TMEM268: variants seen among roughly 807,000 people sequenced by gnomAD.
The protein encoded by TMEM268 is transmembrane protein C9orf91.
Under a neutral mutation model 39.1 loss-of-function variants are expected in TMEM268, and 24 were observed. That is an observed-to-expected ratio of 0.61 (90% CI 0.44 to 0.86). The LOEUF is 0.86. Ranked by LOEUF, TMEM268 falls within the 40% of genes least tolerant of loss-of-function variation. The pLI is 0.00. For synonymous variants in TMEM268, 176 were observed against 173.5 expected (o/e 1.01, Z -0.12); for missense variants, 409 against 428.6 (o/e 0.95, Z 0.40).
At chr9:114,638,794 G>C in intron 8 of TMEM268, 68 bp downstream of exon 8, 2 of 1,268,004 alleles carry the variant, frequency 1.6e-6, no homozygotes, top group African/African-American at 1.5e-5. Context: ...AAGCCTATGT[G>C]GGGGCTTCTT....
intron 2 of TMEM268, among the ~76,000 whole-genome samples, chr9:114,619,193 C>T (rs982086930): frequency 6.6e-6 from 1 of 152,186 alleles, no homozygotes; most frequent in Non-Finnish European, 1.5e-5. Flanking sequence ...AATAATTTTT[C>T]TATCAGAACT....
At chr9:114,624,754 C>T (rs532559052) in intron 3 of TMEM268, among the ~76,000 whole-genome samples, 37 of 152,224 alleles carry the variant, frequency 2.4e-4, no homozygotes, top group African/African-American at 8.2e-4. Flanking sequence ...GGAAGATGGA[C>T]GTGTGTGGGA....
chr9:114,612,459 G>A (rs1417660492), intron 1 of TMEM268, among the ~76,000 whole-genome samples: 2 of 152,122 alleles, frequency 1.3e-5, no homozygotes, highest in Non-Finnish European at 2.9e-5. Flanking sequence ...CTGACCTTCT[G>A]TGTTATCCTC....
intron 1 of TMEM268, among the ~76,000 whole-genome samples, chr9:114,611,770 C>T (rs1845505991): frequency 6.6e-6 from 1 of 152,182 alleles, no homozygotes; most frequent in East Asian, 1.9e-4. Context: ...GTGGGAGCGG[C>T]TCTGACAAGC....
chr9:114,626,837 C>A, intron 3 of TMEM268, 62 bp from the exon 4 acceptor site: 1 of 1,251,810 alleles, frequency 8.0e-7, no homozygotes, highest in Non-Finnish European at 1.2e-6. Flanking sequence ...ACATGATAGT[C>A]ACATGCACTG....
rs1456409278 is a variant in TMEM268 at position 114,645,107 on chromosome 9, C to G, written c.*1794C>G. ...GGCACCACAACCAGCCTGGATGATT[C>G]TTAAGGGCCCTTCTAGGACCAAAGT... On this transcript the variant is annotated 3_prime_UTR_variant, in exon 9 of 9. Coordinates refer to ENST00000288502, the MANE Select transcript of TMEM268 (RefSeq NM_153045.4). 6.6e-6 allele frequency: 1 copy of G among 152,392 alleles called. No individual in the cohort carries two copies. Among genetic ancestry groups the G allele is most frequent in the Non-Finnish European group, 1.5e-5 (1 of 68,122 alleles). The allele number at this position is 152,392 out of a possible 1,614,324, so 9.4% of individuals were successfully genotyped here. A position where few individuals can be genotyped will look rare whatever the true frequency, so the allele number is the denominator to read the frequency against.
At chr9:114,630,790 A>G (rs1476212793) in intron 5 of TMEM268, among the ~76,000 whole-genome samples, 1 of 152,110 alleles carries the variant, frequency 6.6e-6, no homozygotes, top group Non-Finnish European at 1.5e-5. Flanking sequence ...AGGTTAAGTA[A>G]CCAGTCCATG....
At chr9:114,624,483 C>A in intron 3 of TMEM268, 24 bp downstream of exon 3, 1 of 1,553,414 alleles carries the variant, frequency 6.4e-7, no homozygotes, top group South Asian at 1.2e-5. Context: ...TCCTTGAATC[C>A]CTACCATTTT....
At chr9:114,626,631 G>A (rs1271210945) in intron 3 of TMEM268, among the ~76,000 whole-genome samples, 3 of 152,222 alleles carry the variant, frequency 2.0e-5, no homozygotes, top group African/African-American at 7.2e-5. Context: ...TCTGACTCCA[G>A]GGCCTATGCC....
At position 114,643,464 on chromosome 9, in the gene TMEM268, TGCTCACTTCAGG is replaced by T. The variant is rs1827444909; in HGVS notation, c.*154_*165del. 3 of 665,810 alleles carry T rather than the reference TGCTCACTTCAGG, an allele frequency of 4.5e-6. No individual in the cohort carries two copies. Among genetic ancestry groups the T allele is most frequent in the Non-Finnish European group, 7.7e-6 (3 of 391,910 alleles). 41.2% of individuals were successfully genotyped at this position (665,810 alleles called of 1,614,324 possible). On this transcript the variant is annotated 3_prime_UTR_variant, in exon 9 of 9. Coordinates refer to ENST00000288502, the MANE Select transcript of TMEM268 (RefSeq NM_153045.4). ...TGTGATGTCAGCCACTGGGGTGTTGTGCTCACTTCAGGGCCCAGCACAAAAATCCTTGTTTGA... is the reference window on the plus strand; with the variant it reads ...TGTGATGTCAGCCACTGGGGTGTTGTGCCCAGCACAAAAATCCTTGTTTGA...
At position 114,624,338 on chromosome 9, in the gene TMEM268, G is replaced by T. The variant is rs553944609; in HGVS notation, c.107-12G>T. 3.1e-6 allele frequency: 5 copies of T among 1,588,426 alleles called. No homozygotes were observed. The highest frequency in any genetic ancestry group is 3.4e-6 in the Non-Finnish European group (4 of 1,165,740). ...ATCACTCAGCCAGATGAAGCTTCTG[G>T]TCTGCTTCCAGAGCTCCACAATGGC... On this transcript the variant is annotated splice_polypyrimidine_tract_variant and intron_variant, in intron 2 of 8. Transcript: ENST00000288502.
intron 2 of TMEM268, chr9:114,622,461 G>A (rs1243210167): frequency 8.1e-6 from 8 of 985,236 alleles, no homozygotes; most frequent in East Asian, 1.1e-4. Context: ...AGGAGATCTC[G>A]ATCCTTTTGT....
upstream of TMEM268, among the ~76,000 whole-genome samples, chr9:114,609,396 T>C (rs1845408886): frequency 6.6e-6 from 1 of 152,102 alleles, no homozygotes; most frequent in African/African-American, 2.4e-5. Context: ...GGGCCAGGCA[T>C]GGTGGCTTGC....
Position 114,626,997 on chromosome 9 carries a change from C to T in TMEM268, c.315C>T (p.Ala105=). ...ACAACTCGAGGCCTATGCGGCTGGC[C>T]TTTGCTGTGGTAAGGGGGAGGTGGC... ...IIYNSRPMRL[A]FAVVFYVVVW... is the part of the protein sequence containing the mutation. Residue 105 remains alanine, a synonymous_variant, in exon 4 of 9, where the codon GCC becomes GCT. Coordinates refer to ENST00000288502, the MANE Select transcript of TMEM268 (RefSeq NM_153045.4). 6.2e-7 allele frequency: 1 copy of T among 1,611,628 alleles called. No individual in the cohort carries two copies.
At position 114,638,574 on chromosome 9, in the gene TMEM268, T is replaced by C; in HGVS notation, c.697T>C (p.Cys233Arg). 6.3e-7 allele frequency: 1 copy of C among 1,596,450 alleles called. No homozygotes were observed. The highest frequency in any genetic ancestry group is 1.7e-4 in the Middle Eastern group (1 of 6,010). The change falls in exon 8 of 9, where the codon TGT becomes CGT. Residue 233 changes from cysteine to arginine, a missense_variant. Coordinates refer to ENST00000288502, the MANE Select transcript of TMEM268 (RefSeq NM_153045.4). ...GCTGAGAAGCAGATTGAGCCAGTTG[T>C]GTGTTGTCATGGAGACTGGGGTGAG... is the stretch of plus-strand genomic sequence containing the variant. ...SLLRSRLSQL[C>R]VVMETGVSPA...
intron 6 of TMEM268, among the ~76,000 whole-genome samples, chr9:114,635,027 G>C (rs1449136310): frequency 6.6e-6 from 1 of 152,128 alleles, no homozygotes; most frequent in Non-Finnish European, 1.5e-5. Context: ...TGTGTTAGAT[G>C]AATGCACGGA....
At chr9:114,636,385 C>T (rs753566848) in intron 6 of TMEM268, among the ~76,000 whole-genome samples, 1 of 152,178 alleles carries the variant, frequency 6.6e-6, no homozygotes, top group Non-Finnish European at 1.5e-5. Context: ...TGAAGGTAGC[C>T]TCAGGTGGAC....
intron 5 of TMEM268, among the ~76,000 whole-genome samples, chr9:114,630,861 G>A (rs1333176958): frequency 6.6e-6 from 1 of 152,136 alleles, no homozygotes; most frequent in Non-Finnish European, 1.5e-5. Flanking sequence ...CTCCTCCCTG[G>A]ATCCCTTGTC....
chr9:114,612,712 C>T (rs950823104), intron 1 of TMEM268, among the ~76,000 whole-genome samples: 1 of 152,178 alleles, frequency 6.6e-6, no homozygotes, highest in African/African-American at 2.4e-5. Flanking sequence ...CAGGAGCCTC[C>T]TTCCTCCAGG....
Sources: allele counts gnomAD v4.1 joint callset (sites outside exome capture counted in the v4.1 genomes callset), GRCh38; gene constraint gnomAD v4.1.1; transcripts MANE v1.5; gene names NCBI Gene and HGNC (gene_info 2026-07-23, HGNC 2026-07-21).